DOCK5: variants seen among roughly 807,000 people sequenced by gnomAD.
DOCK5 encodes the protein dedicator of cytokinesis 5.
DOCK5 carries 142 observed loss-of-function variants against 251.8 expected under a neutral mutation model. That is an observed-to-expected ratio of 0.56 (90% CI 0.49 to 0.65). DOCK5 has a LOEUF of 0.65. DOCK5 is among the 30% of genes least tolerant of loss of function. The pLI is 0.00. For synonymous variants in DOCK5, 842 were observed against 835.5 expected, an observed-to-expected ratio of 1.01 and a Z score of -0.13; for missense variants, 2,111 against 2,312.3, an observed-to-expected ratio of 0.91 and a Z score of 1.79.
chr8:25,392,259 G>T (rs577225887), intron 43 of DOCK5, among the ~76,000 whole-genome samples: 1 of 148,328 alleles, frequency 6.7e-6, no homozygotes, highest in Non-Finnish European at 1.5e-5. Context: ...AGCTGAGGTC[G>T]CACCACTGCA....
chr8:25,227,487 G>T (rs1056067817), intron 1 of DOCK5, among the ~76,000 whole-genome samples: 3 of 151,738 alleles, frequency 2.0e-5, no homozygotes, highest in Non-Finnish European at 4.4e-5. Flanking sequence ...TGATTCCATT[G>T]ATTTATTTTT....
At chr8:25,303,134 G>T (rs1360929340) in intron 10 of DOCK5, among the ~76,000 whole-genome samples, 1 of 152,176 alleles carries the variant, frequency 6.6e-6, no homozygotes, top group Non-Finnish European at 1.5e-5. Context: ...AAGAAAGGTG[G>T]AAGAAGGCAC....
chr8:25,203,074 A>G (rs753148430), intron 1 of DOCK5, among the ~76,000 whole-genome samples: 5 of 152,170 alleles, frequency 3.3e-5, no homozygotes, highest in Non-Finnish European at 7.3e-5. Flanking sequence ...ATACATCTCC[A>G]GTGTCATGAA....
intron 1 of DOCK5, among the ~76,000 whole-genome samples, chr8:25,204,342 G>C (rs948668785): frequency 1.3e-5 from 2 of 152,160 alleles, no homozygotes; most frequent in Admixed American, 6.5e-5. Flanking sequence ...TTGATCCCAG[G>C]ATTAGGAAGT....
intron 40 of DOCK5, among the ~76,000 whole-genome samples, chr8:25,384,451 A>ATTTTTTTTT (rs1311005105): frequency 6.8e-4 from 18 of 26,540 alleles, no homozygotes; most frequent in Non-Finnish European, 1.7e-3. Flanking sequence ...TTATTTATTT[A>ATTTTTTTTT]TTTATTTATT....
intron 39 of DOCK5, among the ~76,000 whole-genome samples, chr8:25,382,435 T>G (rs1251009314): frequency 6.6e-6 from 1 of 152,194 alleles, no homozygotes; most frequent in African/African-American, 2.4e-5. Context: ...AATTCCAACG[T>G]GCACACACTT....
Position 25,366,979 on chromosome 8 carries a change from CCT to C in DOCK5, c.3224+10_3224+11del. On this transcript the variant is annotated intron_variant, in intron 31 of 51. Coordinates refer to ENST00000276440, the MANE Select transcript of DOCK5 (RefSeq NM_024940.8). ...AACAAAATTGTTAAAAAGTAAGTGT[CCT>C]TTTAAAGTTAAGATCGGGAAGGGGC... The C allele has an allele frequency of 6.2e-7, 1 of 1,609,844 alleles. No individual in the cohort carries two copies. The highest frequency in any genetic ancestry group is 8.5e-7 in the Non-Finnish European group (1 of 1,176,528).
chr8:25,225,509 ATCC>A (rs1249205667), intron 1 of DOCK5, among the ~76,000 whole-genome samples: 1 of 152,182 alleles, frequency 6.6e-6, no homozygotes, highest in African/African-American at 2.4e-5. Context: ...GATTGAGACC[ATCC>A]TGGCTAACAC....
chr8:25,314,756 C>CCCAT (rs1805198047), intron 13 of DOCK5, among the ~76,000 whole-genome samples: 1 of 145,414 alleles, frequency 6.9e-6, no homozygotes, highest in Non-Finnish European at 1.5e-5. Flanking sequence ...CACCCACCCA[C>CCCAT]CCATCCATCC....
intron 1 of DOCK5, among the ~76,000 whole-genome samples, chr8:25,208,486 A>G (rs1250343536): frequency 1.3e-5 from 2 of 152,230 alleles, no homozygotes; most frequent in African/African-American, 2.4e-5. Context: ...GTCTTCAGCA[A>G]CTGCCACCCT....
At chr8:25,394,477 C>T (rs747526988) in intron 44 of DOCK5, among the ~76,000 whole-genome samples, 17 of 151,554 alleles carry the variant, frequency 1.1e-4, no homozygotes, top group Non-Finnish European at 2.1e-4. Context: ...CCTATTATTT[C>T]TGACTTCTGA....
At chr8:25,346,831 A>C (rs1317075687) in intron 26 of DOCK5, among the ~76,000 whole-genome samples, 1 of 152,136 alleles carries the variant, frequency 6.6e-6, no homozygotes, top group African/African-American at 2.4e-5. Context: ...CTCCAAAAAA[A>C]AAAAAAAGAA....
chr8:25,255,932 C>A (rs970747570), intron 2 of DOCK5, among the ~76,000 whole-genome samples: 1 of 152,150 alleles, frequency 6.6e-6, no homozygotes, highest in Non-Finnish European at 1.5e-5. Context: ...CTGTTTCACC[C>A]ATGGAGTTGA....
At chr8:25,319,462 C>A (rs1049001112) in intron 14 of DOCK5, 116 bp from the exon 15 acceptor site, 2 of 618,472 alleles carry the variant, frequency 3.2e-6, no homozygotes, top group Non-Finnish European at 5.7e-6. Context: ...CGATCAGTGC[C>A]AGTGTAGGGC....
At chr8:25,193,849 G>T (rs567227462) in intron 1 of DOCK5, among the ~76,000 whole-genome samples, 1 of 152,304 alleles carries the variant, frequency 6.6e-6, no homozygotes, top group African/African-American at 2.4e-5. Context: ...GCTGAAAAAA[G>T]AATGCAGAGC....
Position 25,400,954 on chromosome 8 carries a change from G to A in DOCK5, c.4814G>A (p.Arg1605His), listed in dbSNP as rs763250992. 11 of 1,613,930 alleles carry A rather than the reference G, an allele frequency of 6.8e-6. No individual in the cohort carries two copies. The highest frequency in any genetic ancestry group is 6.6e-5 in the South Asian group (6 of 91,076). Residue 1605 changes from arginine (R) to histidine (H), a missense_variant, in exon 47 of 52, where the codon CGC becomes CAC. Physicochemically the swap from Arg to His is conservative, Grantham distance 29. Around this residue, in one of 3 missense-constraint regions of DOCK5, gnomAD observed 1,717 missense variants for 1,892.4 expected, o/e 0.91. Transcript: ENST00000276440. ...ATGCCCCTGCTAACAGAAGGGATCC[G>A]CATCCATGGGGAGAAACTCACAGAG... ...LQMPLLTEGIRIHGEKLTEQL... is the reference protein window; with the variant it reads ...LQMPLLTEGIHIHGEKLTEQL...
At chr8:25,358,109 G>A (rs1184778609) in intron 27 of DOCK5, among the ~76,000 whole-genome samples, 3 of 152,120 alleles carry the variant, frequency 2.0e-5, no homozygotes, top group Admixed American at 6.5e-5. Flanking sequence ...GTATTAGTCC[G>A]TTCTCATGCT....
At chr8:25,370,036 A>T (rs1315857839) in intron 34 of DOCK5, among the ~76,000 whole-genome samples, 1 of 152,226 alleles carries the variant, frequency 6.6e-6, no homozygotes, top group African/African-American at 2.4e-5. Flanking sequence ...ATACCTTAGG[A>T]CCCATAAAGG....
chr8:25,304,251 CT>C lies in DOCK5; in HGVS notation c.977-3del. ...TTCTTTAATGAAGTTTATCTTTTTC[CT>C]AGTGATGGATATTACTGATATCATA... On this transcript the variant is annotated splice_polypyrimidine_tract_variant and splice_region_variant and intron_variant, in intron 10 of 51. Transcript: ENST00000276440. 6.3e-7 allele frequency: 1 copy of C among 1,593,720 alleles called. No individual in the cohort carries two copies. Among genetic ancestry groups the C allele is most frequent in the Non-Finnish European group, 8.5e-7 (1 of 1,171,738 alleles).
Sources: gnomAD v4.1 joint callset for allele counts (sites outside exome capture counted in the v4.1 genomes callset) on GRCh38, gnomAD v4.1.1 for gene constraint, gnomAD v4.1.1 regional missense constraint, MANE v1.5 for transcripts, NCBI Gene and HGNC (gene_info 2026-07-23, HGNC 2026-07-21) for gene names.